The following NPAS2 variants were observed in gnomAD, a reference collection of about 807,000 sequenced individuals.
The protein encoded by NPAS2 is neuronal PAS domain protein 2, also known as neuronal PAS domain-containing protein 2.
NPAS2 carries 23 observed loss-of-function variants against 107.5 expected under a neutral mutation model. The ratio of observed to expected loss-of-function variants is 0.21; its 90% CI spans 0.15 to 0.30. The LOEUF is 0.30. Among genes scored for constraint, NPAS2 ranks in the 10% least tolerant of loss-of-function variants. The probability of loss-of-function intolerance (pLI) is 1.00; values close to 1 mark genes in which losing one functional copy is unlikely to be tolerated. For synonymous variants in NPAS2, 403 were observed against 417.5 expected (o/e 0.97, Z 0.42); for missense variants, 756 against 1,043.3 (o/e 0.72, Z 3.79).
intron 1 of NPAS2, among the ~76,000 whole-genome samples, chr2:100,900,912 A>G (rs1237169526): frequency 6.8e-6 from 1 of 146,576 alleles, no homozygotes; most frequent in Non-Finnish European, 1.5e-5. Flanking sequence ...CTTTTTGTGG[A>G]GAACAGTGCC....
intron 3 of NPAS2, among the ~76,000 whole-genome samples, 188 bp from the exon 4 acceptor site, chr2:100,932,722 G>A (rs1000441083): frequency 6.6e-6 from 1 of 151,406 alleles, no homozygotes; most frequent in African/African-American, 2.5e-5. Flanking sequence ...GCCTCATTAA[G>A]GGAGATGAGA....
intron 1 of NPAS2, among the ~76,000 whole-genome samples, chr2:100,849,954 C>G (rs1025560512): frequency 1.4e-5 from 2 of 139,352 alleles, no homozygotes; most frequent in Admixed American, 7.5e-5. Context: ...TACATCTTCA[C>G]TTTACCCTAT....
chr2:100,905,233 C>G (rs748601244), intron 2 of NPAS2, among the ~76,000 whole-genome samples: 4 of 152,098 alleles, frequency 2.6e-5, no homozygotes, highest in Non-Finnish European at 5.9e-5. Context: ...AGTCATCACC[C>G]AGCACTGTGC....
At chr2:100,885,515 T>C (rs1680646991) in intron 1 of NPAS2, among the ~76,000 whole-genome samples, 1 of 152,214 alleles carries the variant, frequency 6.6e-6, no homozygotes, top group South Asian at 2.1e-4. Context: ...AAATGAACTC[T>C]ATAATTTAGG....
chr2:100,855,469 T>TA (rs376147997), intron 1 of NPAS2, among the ~76,000 whole-genome samples: 123 of 152,366 alleles, frequency 8.1e-4, no homozygotes, highest in Middle Eastern at 6.8e-3. Flanking sequence ...TGTGAAGGTT[T>TA]GCATGTCTCC....
At chr2:100,839,047 G>A (rs1181650143) in intron 1 of NPAS2, among the ~76,000 whole-genome samples, 7 of 151,998 alleles carry the variant, frequency 4.6e-5, no homozygotes, top group Admixed American at 2.0e-4. Flanking sequence ...GAGACAGCAA[G>A]ACAAACCCCT....
chr2:100,835,084 G>A (rs72627417), intron 1 of NPAS2, among the ~76,000 whole-genome samples: 6,773 of 152,138 alleles, frequency 0.045, 419 homozygotes, highest in East Asian at 0.31. Flanking sequence ...CATTTGGGAG[G>A]GGGGACCCTG....
At chr2:100,949,514 T>G in intron 7 of NPAS2, 34 bp downstream of exon 7, 1 of 1,256,808 alleles carries the variant, frequency 8.0e-7, no homozygotes, top group Non-Finnish European at 1.2e-6. Flanking sequence ...TGTGACAGTG[T>G]CTTTTCTCAT....
chr2:100,881,546 C>T (rs1457464291), intron 1 of NPAS2, among the ~76,000 whole-genome samples: 1 of 152,130 alleles, frequency 6.6e-6, no homozygotes, highest in Non-Finnish European at 1.5e-5. Context: ...ATTAGTCAGG[C>T]GTGGTGGCAG....
At chr2:100,930,945 G>A (rs17024980) in intron 3 of NPAS2, among the ~76,000 whole-genome samples, 12,311 of 152,202 alleles carry the variant, frequency 0.081, 1,508 homozygotes, top group African/African-American at 0.27. Context: ...GGGAGAAGAG[G>A]AAAGGCATTT....
intron 1 of NPAS2, among the ~76,000 whole-genome samples, chr2:100,859,159 G>A (rs1678776645): frequency 6.6e-6 from 1 of 152,198 alleles, no homozygotes; most frequent in Admixed American, 6.5e-5. Context: ...AGCTCAGGTG[G>A]CTGAAAGGCA....
chr2:100,842,722 G>A (rs747289087), intron 1 of NPAS2, among the ~76,000 whole-genome samples: 1 of 152,172 alleles, frequency 6.6e-6, no homozygotes, highest in Admixed American at 6.5e-5. Flanking sequence ...GGAACTGGAC[G>A]ACAGGTCAGC....
At chr2:100,873,988 GT>G (rs149619205) in intron 1 of NPAS2, among the ~76,000 whole-genome samples, 3 of 149,926 alleles carry the variant, frequency 2.0e-5, no homozygotes, top group Non-Finnish European at 4.4e-5. Context: ...TTTGTTTTTT[GT>G]TTTTTTTTGA....
At chr2:100,949,508 A>G in intron 7 of NPAS2, 28 bp downstream of exon 7, 14 of 1,326,954 alleles carry the variant, frequency 1.1e-5, no homozygotes, top group Non-Finnish European at 1.5e-5. Context: ...TATAATTGTG[A>G]CAGTGTCTTT....
intron 11 of NPAS2, among the ~76,000 whole-genome samples, chr2:100,969,574 A>G (rs972838357): frequency 6.6e-6 from 1 of 151,652 alleles, no homozygotes; most frequent in Non-Finnish European, 1.5e-5. Context: ...TAAAATTAGA[A>G]AAACCTACTT....
At chr2:100,834,439 C>T (rs1025386288) in intron 1 of NPAS2, among the ~76,000 whole-genome samples, 4 of 152,164 alleles carry the variant, frequency 2.6e-5, no homozygotes, top group South Asian at 2.1e-4. Flanking sequence ...GGACACGGAC[C>T]GTCCACTTGA....
At chr2:100,989,028 C>G in intron 17 of NPAS2, 1 of 237,056 alleles carries the variant, frequency 4.2e-6, no homozygotes, top group Non-Finnish European at 8.3e-6. Flanking sequence ...AGACTCTTTG[C>G]CAAACCCTTG....
chr2:100,986,871 T>C (rs576937172), intron 16 of NPAS2: 2 of 152,362 alleles, frequency 1.3e-5, no homozygotes, highest in East Asian at 3.9e-4. Context: ...GCATTTTATG[T>C]ACCTAACAAG....
intron 2 of NPAS2, among the ~76,000 whole-genome samples, chr2:100,916,324 A>G (rs976387350): frequency 6.6e-6 from 1 of 152,186 alleles, no homozygotes; most frequent in Non-Finnish European, 1.5e-5. Flanking sequence ...TTTTTCAGTA[A>G]CCTAAATACC....
Sources: allele counts gnomAD v4.1 joint callset (sites outside exome capture counted in the v4.1 genomes callset), GRCh38; gene constraint gnomAD v4.1.1; transcripts MANE v1.5; gene names NCBI Gene and HGNC (gene_info 2026-07-23, HGNC 2026-07-21).